The following HDAC2 variants were observed in gnomAD, a reference collection of about 807,000 sequenced individuals.
HDAC2 encodes the protein YY1-associated factor 1.
Under a neutral mutation model 68.5 loss-of-function variants are expected in HDAC2, and 5 were observed. The observed-to-expected ratio is 0.07, with a 90% confidence interval of 0.04 to 0.15. The LOEUF is 0.15. HDAC2 is among the 10% of genes least tolerant of loss of function. The pLI is 1.00. For synonymous variants in HDAC2, 182 were observed against 191.3 expected (o/e 0.95, Z 0.40); for missense variants, 291 against 600.8 (o/e 0.48, Z 5.39).
chr6:113,943,696 G>T (rs1473536234), intron 11 of HDAC2, among the ~76,000 whole-genome samples, 190 bp from the exon 12 acceptor site: 1 of 152,136 alleles, frequency 6.6e-6, no homozygotes, highest in Non-Finnish European at 1.5e-5. Context: ...TTTCATGTAT[G>T]AAGAAATGGC....
At chr6:113,964,677 A>C (rs1776770568) in intron 1 of HDAC2, among the ~76,000 whole-genome samples, 1 of 152,226 alleles carries the variant, frequency 6.6e-6, no homozygotes, top group African/African-American at 2.4e-5. Context: ...ATATAAGCTG[A>C]GAAATCCCAA....
At chr6:113,943,533 GACAAAA>G in intron 11 of HDAC2, 27 bp from the exon 12 acceptor site, 1 of 1,557,338 alleles carries the variant, frequency 6.4e-7, no homozygotes, top group Non-Finnish European at 8.6e-7. Flanking sequence ...AATAAATTTT[GACAAAA>G]ACAGTCACAG....
Position 113,939,718 on chromosome 6 carries a change from CAA to C in HDAC2, c.*1338_*1339del, listed in dbSNP as rs773974739. The C allele has an allele frequency of 2.0e-5, 3 of 151,896 alleles. No homozygotes were observed. The highest frequency in any genetic ancestry group is 2.9e-5 in the Non-Finnish European group (2 of 67,980). 9.4% of individuals were successfully genotyped at this position (151,896 alleles called of 1,614,324 possible). On this transcript the variant is annotated 3_prime_UTR_variant, in exon 14 of 14. Coordinates refer to ENST00000519065, the MANE Select transcript of HDAC2 (RefSeq NM_001527.4). ...GGAGGATTACAAACGACAAAGTACACAAAGAGAGCTTCAATTTCGGTGTATTT... is the reference window on the plus strand; with the variant it reads ...GGAGGATTACAAACGACAAAGTACACAGAGAGCTTCAATTTCGGTGTATTT...
Position 113,937,219 on chromosome 6 carries a change from TATGA to T in HDAC2, c.*3835_*3838del, listed in dbSNP as rs1776020903. ...AAAGCCCTTATCATTTATATCACAA[TATGA>T]ATAACAAATATTATGAATCGCAGTT... is the stretch of plus-strand genomic sequence containing the variant. On this transcript the variant is annotated 3_prime_UTR_variant, in exon 14 of 14. Coordinates refer to ENST00000519065, the MANE Select transcript of HDAC2 (RefSeq NM_001527.4). 6.6e-6 allele frequency: 1 copy of T among 152,184 alleles called. No homozygotes were observed. 9.4% of individuals were successfully genotyped at this position (152,184 alleles called of 1,614,324 possible).
chr6:113,962,718 C>A (rs753653454), intron 1 of HDAC2, among the ~76,000 whole-genome samples: 3 of 152,104 alleles, frequency 2.0e-5, no homozygotes, highest in Non-Finnish European at 4.4e-5. Flanking sequence ...AATCCCAGTA[C>A]TTCGGGAGGC....
intron 6 of HDAC2, among the ~76,000 whole-genome samples, chr6:113,950,452 C>T (rs1311087323): frequency 1.3e-5 from 2 of 151,590 alleles, no homozygotes; most frequent in Non-Finnish European, 2.9e-5. Flanking sequence ...ATGATCTCGG[C>T]TCACTGCACT....
At chr6:113,959,853 TAA>T (rs903784239) in intron 2 of HDAC2, 51 bp downstream of exon 2, 5 of 754,094 alleles carry the variant, frequency 6.6e-6, no homozygotes, top group South Asian at 3.3e-5. Context: ...TCACAGTAGC[TAA>T]AAAAAAATAA....
chr6:113,970,812 C>A, intron 1 of HDAC2, 45 bp downstream of exon 1: 1 of 1,494,066 alleles, frequency 6.7e-7, no homozygotes, highest in Non-Finnish European at 8.8e-7. Flanking sequence ...CGGAACCCAG[C>A]GCCCGGCCCC....
At chr6:113,947,843 T>C (rs1582480842) in intron 8 of HDAC2, 2 of 152,272 alleles carry the variant, frequency 1.3e-5, no homozygotes, top group Middle Eastern at 3.4e-3. Context: ...AAGCTTTTAA[T>C]ATCTGTATTT....
intron 1 of HDAC2, among the ~76,000 whole-genome samples, chr6:113,965,603 C>T (rs546341490): frequency 6.6e-6 from 1 of 152,308 alleles, no homozygotes; most frequent in Non-Finnish European, 1.5e-5. Flanking sequence ...AAACTCCTGA[C>T]CTTGTGATCT....
chr6:113,960,540 G>C (rs2114613598), intron 1 of HDAC2, among the ~76,000 whole-genome samples: 1 of 152,110 alleles, frequency 6.6e-6, no homozygotes, highest in African/African-American at 2.4e-5. Context: ...ATGAGGTTTT[G>C]CTCCACTAAG....
chr6:113,960,722 A>G (rs1269297490), intron 1 of HDAC2, among the ~76,000 whole-genome samples: 2 of 152,090 alleles, frequency 1.3e-5, no homozygotes, highest in Non-Finnish European at 2.9e-5. Context: ...TTCATCAACT[A>G]AATTTCAATA....
At chr6:113,945,590 A>G (rs1326886087) in intron 9 of HDAC2, 120 bp from the exon 10 acceptor site, 5 of 687,672 alleles carry the variant, frequency 7.3e-6, no homozygotes, top group African/African-American at 7.3e-5. Flanking sequence ...AAGTGAACAC[A>G]AAGTGAATGT....
rs1776117190 is a variant in HDAC2 at position 113,940,959 on chromosome 6, AAGTAGTAT to A, written c.*91_*98del. ...TTGAAAATAAATACAGTCCATGCCAAAGTAGTATAAAATGAAGCCAGAAGTCTTCAAAA... is the reference window on the plus strand; with the variant it reads ...TTGAAAATAAATACAGTCCATGCCAAAAAATGAAGCCAGAAGTCTTCAAAA... On this transcript the variant is annotated 3_prime_UTR_variant, in exon 14 of 14. Transcript: ENST00000519065. 2 of 890,450 alleles carry A rather than the reference AAGTAGTAT, an allele frequency of 2.2e-6. No homozygotes were observed. The highest frequency in any genetic ancestry group is 5.1e-5 in the East Asian group (2 of 39,530). The allele number at this position is 890,450 out of a possible 1,614,324, so 55.2% of individuals were successfully genotyped here. A position where few individuals can be genotyped will look rare whatever the true frequency, so the allele number is the denominator to read the frequency against.
intron 1 of HDAC2, among the ~76,000 whole-genome samples, chr6:113,961,225 C>CA (rs1776675023): frequency 6.6e-6 from 1 of 152,110 alleles, no homozygotes; most frequent in African/African-American, 2.4e-5. Flanking sequence ...CTAAATCTTT[C>CA]AAAGTCCTCC....
rs1318159469 is a variant in HDAC2 at position 113,935,716 on chromosome 6, A to G, written c.*5342T>C. ...CATTTCTTTAACATTTAGAGTAAAA[A>G]CAATCTTAATAAAAAGAGCAAATAA... On this transcript the variant is annotated 3_prime_UTR_variant, in exon 14 of 14. Coordinates refer to ENST00000519065, the MANE Select transcript of HDAC2 (RefSeq NM_001527.4). 6.6e-6 allele frequency: 1 copy of G among 152,222 alleles called. No homozygotes were observed. Among genetic ancestry groups the G allele is most frequent in the Non-Finnish European group, 1.5e-5 (1 of 68,044 alleles). The allele number at this position is 152,222 out of a possible 1,614,324, so 9.4% of individuals were successfully genotyped here.
At chr6:113,968,385 A>G (rs1252268327) in intron 1 of HDAC2, 1 of 152,206 alleles carries the variant, frequency 6.6e-6, no homozygotes, top group Non-Finnish European at 1.5e-5. Context: ...CTCTTCTCAC[A>G]ATAAAAAAAG....
intron 1 of HDAC2, among the ~76,000 whole-genome samples, chr6:113,963,331 G>A (rs1361032648): frequency 9.9e-5 from 15 of 151,988 alleles, no homozygotes; most frequent in African/African-American, 2.2e-4. Flanking sequence ...TGATCTGCCC[G>A]CCTCAGCCTC....
At chr6:113,941,799 AT>A in intron 12 of HDAC2, 34 bp from the exon 13 acceptor site, 1 of 778,962 alleles carries the variant, frequency 1.3e-6, no homozygotes, top group East Asian at 3.0e-5. Flanking sequence ...ATTAAAACCT[AT>A]TTTGAAATAT....
Sources: allele counts gnomAD v4.1 joint callset (sites outside exome capture counted in the v4.1 genomes callset), GRCh38; gene constraint gnomAD v4.1.1; transcripts MANE v1.5; gene names NCBI Gene and HGNC (gene_info 2026-07-23, HGNC 2026-07-21).